Variants in GRID2 observed in about 807,000 individuals in gnomAD.
GRID2 encodes glutamate ionotropic receptor delta type subunit 2.
Under a neutral mutation model 114.8 loss-of-function variants are expected in GRID2, and 33 were observed. The observed-to-expected ratio is 0.29, with a 90% confidence interval of 0.22 to 0.38. The LOEUF is 0.38. Among genes scored for constraint, GRID2 ranks in the 10% least tolerant of loss-of-function variants. The probability of loss-of-function intolerance (pLI) is 1.00; values close to 1 mark genes in which losing one functional copy is unlikely to be tolerated. For synonymous variants in GRID2, 505 were observed against 449.9 expected (o/e 1.12, Z -1.55); for missense variants, 1,184 against 1,257.7 (o/e 0.94, Z 0.89).
At chr4:93,555,434 T>G (rs1734220116) in intron 13 of GRID2, among the ~76,000 whole-genome samples, 1 of 152,108 alleles carries the variant, frequency 6.6e-6, no homozygotes, top group Admixed American at 6.5e-5. Flanking sequence ...GAAGGGAGTC[T>G]GCCATTACTG....
Position 93,401,748 on chromosome 4 carries a change from C to G in GRID2, c.1347+6040C>G, listed in dbSNP as rs189458105. Among the ~76,000 whole-genome samples the G allele has an allele frequency of 3.3e-4, 50 of 152,190 alleles. 1 individual carries two copies. Among genetic ancestry groups the G allele is most frequent in the African/African-American group, 1.1e-3 (47 of 41,556 alleles). On this transcript the variant is annotated intron_variant, in intron 9 of 15. Coordinates refer to ENST00000282020, the MANE Select transcript of GRID2 (RefSeq NM_001510.4). Reference sequence around the variant, plus strand: ...TACACAGAGATAGCTTATCTTGAATCATTACCACAAAGCAATATCCAAAAT... The same window carrying G: ...TACACAGAGATAGCTTATCTTGAATGATTACCACAAAGCAATATCCAAAAT...
intron 12 of GRID2, among the ~76,000 whole-genome samples, chr4:93,494,512 A>C (rs959122196): frequency 2.0e-5 from 3 of 151,886 alleles, no homozygotes; most frequent in African/African-American, 7.2e-5. Context: ...AAAATTAGAT[A>C]TCTATGGGCA....
intron 8 of GRID2, among the ~76,000 whole-genome samples, chr4:93,324,779 C>G (rs1757643742): frequency 6.6e-6 from 1 of 151,968 alleles, no homozygotes; most frequent in Non-Finnish European, 1.5e-5. Context: ...GTGTATGTTT[C>G]CAGGAATTTA....
At chr4:93,071,479 AAT>A (rs1242766836) in intron 2 of GRID2, among the ~76,000 whole-genome samples, 8 of 152,158 alleles carry the variant, frequency 5.3e-5, no homozygotes, top group Non-Finnish European at 1.5e-5. Flanking sequence ...AGATATATAA[AAT>A]ACAATCAAAT....
rs534026861 is a variant in GRID2, at chr4:93,559,931, A to G, written c.2193+44520A>G. On this transcript the variant is annotated intron_variant, in intron 13 of 15. Coordinates refer to ENST00000282020, the MANE Select transcript of GRID2 (RefSeq NM_001510.4). ...AGGATGAGTTCATATCTTTGCAGGG[A>G]CATAGATGAAGCTGGAAACCATCAT... Among the ~76,000 whole-genome samples, 4 of 152,256 alleles carry G rather than the reference A, an allele frequency of 2.6e-5. No homozygotes were observed. In the South Asian group the frequency reaches 6.2e-4, roughly 24 times the overall value.
chr4:92,717,227 A>T (rs1339173360), intron 2 of GRID2, among the ~76,000 whole-genome samples: 1 of 152,164 alleles, frequency 6.6e-6, no homozygotes, highest in African/African-American at 2.4e-5. Context: ...TTCTGACCTG[A>T]GACTATCATA....
intron 1 of GRID2, among the ~76,000 whole-genome samples, chr4:92,444,824 A>G (rs1006613194): frequency 6.6e-6 from 1 of 152,160 alleles, no homozygotes; most frequent in African/African-American, 2.4e-5. Context: ...GCCCTTACAT[A>G]TTTTTGGAGG....
intron 13 of GRID2, among the ~76,000 whole-genome samples, chr4:93,560,222 TAAAAAAAAAA>T (rs70942974): frequency 5.6e-4 from 24 of 42,946 alleles, no homozygotes; most frequent in Admixed American, 1.4e-3. Context: ...GAACTTAAAG[TAAAAAAAAAA>T]AAAAAAAAAA....
At chr4:93,631,712 A>G (rs922294652) in intron 14 of GRID2, among the ~76,000 whole-genome samples, 19 of 152,150 alleles carry the variant, frequency 1.2e-4, no homozygotes, top group African/African-American at 4.1e-4. Context: ...ATGATTTACA[A>G]TCCTTTGGGT....
intron 1 of GRID2, among the ~76,000 whole-genome samples, chr4:92,369,485 C>T (rs1247472205): frequency 6.6e-6 from 1 of 152,244 alleles, no homozygotes; most frequent in Non-Finnish European, 1.5e-5. Flanking sequence ...AGGACAGATG[C>T]TTGTTTACAA....
intron 2 of GRID2, among the ~76,000 whole-genome samples, chr4:92,607,407 C>G (rs551454382): frequency 6.6e-6 from 1 of 151,820 alleles, no homozygotes; most frequent in East Asian, 1.9e-4. Flanking sequence ...CAGTGTTTTT[C>G]CTTTATTTCA....
chr4:92,660,406 G>C (rs376190233), intron 2 of GRID2, among the ~76,000 whole-genome samples: 1 of 151,254 alleles, frequency 6.6e-6, no homozygotes, highest in African/African-American at 2.4e-5. Context: ...ATGACTAAGA[G>C]AAGGTTCAAG....
intron 2 of GRID2, among the ~76,000 whole-genome samples, chr4:92,762,989 G>T (rs889633734): frequency 5.9e-5 from 9 of 152,098 alleles, no homozygotes; most frequent in Non-Finnish European, 1.3e-4. Flanking sequence ...TTATTGAGGG[G>T]GTTGTGTTAT....
At chr4:92,918,983 G>T (rs1375878018) in intron 2 of GRID2, among the ~76,000 whole-genome samples, 1 of 152,090 alleles carries the variant, frequency 6.6e-6, no homozygotes, top group African/African-American at 2.4e-5. Flanking sequence ...TCTGGTCCTG[G>T]ACTTTTTTTG....
At chr4:92,937,685 C>A (rs1219063557) in intron 2 of GRID2, among the ~76,000 whole-genome samples, 1 of 146,768 alleles carries the variant, frequency 6.8e-6, no homozygotes, top group Non-Finnish European at 1.5e-5. Flanking sequence ...GGGCTCCTTG[C>A]CTTCCACTGG....
chr4:93,591,384 C>T (rs898274177), intron 13 of GRID2, among the ~76,000 whole-genome samples: 8 of 151,354 alleles, frequency 5.3e-5, no homozygotes, highest in African/African-American at 7.2e-5. Context: ...ATTGAACCAG[C>T]CTTGCATCCC....
At chr4:92,333,665 A>G (rs1027563996) in intron 1 of GRID2, among the ~76,000 whole-genome samples, 2 of 152,184 alleles carry the variant, frequency 1.3e-5, no homozygotes, top group Non-Finnish European at 2.9e-5. Context: ...ATACATGGTT[A>G]AAACTAGACA....
chr4:92,651,290 A>C (rs893498384), intron 2 of GRID2, among the ~76,000 whole-genome samples: 9 of 152,068 alleles, frequency 5.9e-5, no homozygotes, highest in Admixed American at 5.9e-4. Context: ...GTGCCACATC[A>C]GGGACTCAGT....
intron 2 of GRID2, among the ~76,000 whole-genome samples, chr4:92,686,555 G>T (rs752138044): frequency 3.3e-5 from 5 of 151,968 alleles, no homozygotes; most frequent in Non-Finnish European, 7.4e-5. Flanking sequence ...TTAATAAAAC[G>T]CTTGCTGGAT....
Sources: gnomAD v4.1 joint callset for allele counts (sites outside exome capture counted in the v4.1 genomes callset) on GRCh38, gnomAD v4.1.1 for gene constraint, MANE v1.5 for transcripts, NCBI Gene and HGNC (gene_info 2026-07-23, HGNC 2026-07-21) for gene names.